Variants in DOCK9 observed in about 807,000 individuals in gnomAD.
DOCK9 encodes the protein dedicator of cytokinesis protein 9.
A neutral mutation model predicts 263.3 loss-of-function variants in DOCK9; 89 were observed. That is an observed-to-expected ratio of 0.34 (90% CI 0.28 to 0.40). The LOEUF is 0.40. Ranked by LOEUF, DOCK9 falls within the 10% of genes least tolerant of loss-of-function variation. DOCK9 has a pLI of 1.00. For missense variants in DOCK9, 2,140 were observed against 2,603.4 expected (o/e 0.82, Z 3.87); for synonymous variants, 976 against 973.1 (o/e 1.00, Z -0.06).
intron 1 of DOCK9, among the ~76,000 whole-genome samples, chr13:99,052,803 C>A (rs1225697389): frequency 6.6e-6 from 1 of 151,604 alleles, no homozygotes; most frequent in African/African-American, 2.4e-5. Context: ...CAGGGTCTCA[C>A]TATGTTGCCC....
intron 9 of DOCK9, among the ~76,000 whole-genome samples, chr13:98,914,023 G>A (rs1390821260): frequency 6.6e-6 from 1 of 152,144 alleles, no homozygotes; most frequent in East Asian, 1.9e-4. Context: ...ATGCTATTAT[G>A]AGAACATCTG....
chr13:98,888,741 A>AT, intron 15 of DOCK9, 30 bp from the exon 16 acceptor site: 1 of 1,590,674 alleles, frequency 6.3e-7, no homozygotes, highest in Non-Finnish European at 8.6e-7. Context: ...AAAATTAAAC[A>AT]TTCGTAAGTT....
chr13:98,819,762 C>A (rs2092146852), intron 45 of DOCK9, among the ~76,000 whole-genome samples: 1 of 152,214 alleles, frequency 6.6e-6, no homozygotes, highest in African/African-American at 2.4e-5. Context: ...GGTTTAACCA[C>A]CACGCTTGGA....
intron 1 of DOCK9, among the ~76,000 whole-genome samples, chr13:99,075,110 T>C (rs2041855510): frequency 6.6e-6 from 1 of 152,192 alleles, no homozygotes; most frequent in South Asian, 2.1e-4. Context: ...ATTTTAACTT[T>C]TTATAATAGA....
intron 1 of DOCK9, among the ~76,000 whole-genome samples, chr13:99,074,833 T>G (rs1329459841): frequency 1.3e-5 from 2 of 152,202 alleles, no homozygotes; most frequent in Non-Finnish European, 2.9e-5. Flanking sequence ...AAATTTTGCC[T>G]CCTCTTCTTC....
intron 1 of DOCK9, among the ~76,000 whole-genome samples, chr13:99,035,128 G>A (rs778690578): frequency 9.2e-5 from 14 of 151,892 alleles, no homozygotes; most frequent in Non-Finnish European, 1.5e-4. Flanking sequence ...CTCAAGACAC[G>A]TGCTTTAAGA....
At chr13:98,963,142 G>T (rs932364239) in intron 1 of DOCK9, among the ~76,000 whole-genome samples, 3 of 152,012 alleles carry the variant, frequency 2.0e-5, no homozygotes, top group Non-Finnish European at 2.9e-5. Flanking sequence ...GCAGCATGGC[G>T]CGCCTCTAGC....
intron 27 of DOCK9, among the ~76,000 whole-genome samples, chr13:98,876,406 G>A (rs1332543108): frequency 2.6e-5 from 4 of 152,200 alleles, no homozygotes; most frequent in South Asian, 2.1e-4. Context: ...CAGGAGAATC[G>A]CTTGAACCCA....
chr13:99,003,278 A>G (rs957667286), intron 1 of DOCK9, among the ~76,000 whole-genome samples: 3 of 152,226 alleles, frequency 2.0e-5, no homozygotes, highest in African/African-American at 7.2e-5. Context: ...TTATTTCTTT[A>G]GCTAAGATTC....
chr13:98,817,450 G>GTTTTTTT (rs1566586388), intron 45 of DOCK9, among the ~76,000 whole-genome samples: 2 of 21,466 alleles, frequency 9.3e-5, no homozygotes, highest in African/African-American at 2.8e-4. Context: ...AATACACCCA[G>GTTTTTTT]CTTTTTTTTT....
chr13:98,922,780 T>C (rs1465266537), intron 5 of DOCK9, among the ~76,000 whole-genome samples: 2 of 152,206 alleles, frequency 1.3e-5, no homozygotes, highest in Non-Finnish European at 2.9e-5. Context: ...AATGCAGAGA[T>C]GGGCATTGTC....
intron 45 of DOCK9, among the ~76,000 whole-genome samples, chr13:98,817,451 C>T (rs1320551657): frequency 2.8e-4 from 27 of 97,626 alleles, no homozygotes; most frequent in African/African-American, 5.4e-4. Context: ...ATACACCCAG[C>T]TTTTTTTTTT....
intron 35 of DOCK9, among the ~76,000 whole-genome samples, chr13:98,852,271 T>C (rs2141570152): frequency 6.6e-6 from 1 of 152,334 alleles, no homozygotes. Context: ...CTAGTGTATT[T>C]GGTCATCATT....
At chr13:98,949,361 G>T (rs1259697574) in intron 2 of DOCK9, among the ~76,000 whole-genome samples, 1 of 152,126 alleles carries the variant, frequency 6.6e-6, no homozygotes, top group Admixed American at 6.5e-5. Context: ...CCTGGGCTTG[G>T]TCCACTGTTA....
intron 33 of DOCK9, 86 bp from the exon 34 acceptor site, chr13:98,856,117 T>G: frequency 7.2e-7 from 1 of 1,394,630 alleles, no homozygotes; most frequent in East Asian, 2.4e-5. Flanking sequence ...AAATTGCTTT[T>G]ATTGCACTTA....
At chr13:98,820,811 A>G (rs1293549542) in intron 45 of DOCK9, 1 of 232,340 alleles carries the variant, frequency 4.3e-6, no homozygotes, top group East Asian at 1.6e-4. Flanking sequence ...TTAACCATAA[A>G]CATCTAGAGG....
At chr13:98,796,778 T>C (rs931145683) in intron 52 of DOCK9, among the ~76,000 whole-genome samples, 12 of 152,332 alleles carry the variant, frequency 7.9e-5, no homozygotes, top group African/African-American at 2.9e-4. Context: ...AATAAAGTTG[T>C]CAGAACAGTA....
chr13:99,054,486 A>G (rs1236211133), intron 1 of DOCK9, among the ~76,000 whole-genome samples: 1 of 152,232 alleles, frequency 6.6e-6, no homozygotes, highest in Non-Finnish European at 1.5e-5. Flanking sequence ...TAGCTGAGAA[A>G]GCCACACAAG....
upstream of DOCK9, among the ~76,000 whole-genome samples, chr13:98,979,245 A>AGCAGCAGCG (rs1876438246): frequency 8.6e-6 from 1 of 115,616 alleles, no homozygotes; most frequent in Non-Finnish European, 1.8e-5. Flanking sequence ...CAGCGGCGGC[A>AGCAGCAGCG]GCAGCAGCAG....
Sources: allele counts gnomAD v4.1 joint callset (sites outside exome capture counted in the v4.1 genomes callset), GRCh38; gene constraint gnomAD v4.1.1; transcripts MANE v1.5; gene names NCBI Gene and HGNC (gene_info 2026-07-23, HGNC 2026-07-21).